The following NRG2 variants were observed in gnomAD, a reference collection of about 807,000 sequenced individuals.
The protein encoded by NRG2 is neuregulin 2.
Under a neutral mutation model 73.9 loss-of-function variants are expected in NRG2, and 27 were observed. The observed-to-expected ratio is 0.37, with a 90% confidence interval of 0.27 to 0.50. The LOEUF (loss-of-function observed/expected upper bound fraction) is 0.50, where lower values mean the gene tolerates loss of function less well. Ranked by LOEUF, NRG2 falls within the 20% of genes least tolerant of loss-of-function variation. The pLI is 0.96. For synonymous variants in NRG2, 532 were observed against 541.0 expected (o/e 0.98, Z 0.23); for missense variants, 1,126 against 1,210.1 (o/e 0.93, Z 1.03).
At chr5:139,945,332 T>C (rs1199767770) in intron 1 of NRG2, among the ~76,000 whole-genome samples, 3 of 152,154 alleles carry the variant, frequency 2.0e-5, no homozygotes, top group East Asian at 3.8e-4. Flanking sequence ...ACCAATGTCC[T>C]GAAGCATTTC....
At chr5:139,873,755 C>T (rs111827552) in intron 3 of NRG2, among the ~76,000 whole-genome samples, 11 of 152,374 alleles carry the variant, frequency 7.2e-5, no homozygotes, top group African/African-American at 2.6e-4. Context: ...CCCATTGTTT[C>T]ACCCCAGTCG....
At chr5:139,959,641 G>A (rs1442896685) in intron 1 of NRG2, among the ~76,000 whole-genome samples, 2 of 152,034 alleles carry the variant, frequency 1.3e-5, no homozygotes, top group Non-Finnish European at 2.9e-5. Flanking sequence ...CTCCCAAAGT[G>A]CTGGGATTAC....
In NRG2 at chr5:140,042,898, G is replaced by C. The variant is rs748906829; in HGVS notation, c.172C>G (p.Arg58Gly). The change falls in exon 1 of 10, where the codon CGT becomes GGT. Residue 58 changes from arginine to glycine, a missense_variant. By Grantham distance (125) the Arg-to-Gly change is moderately radical. Transcript: ENST00000361474. ...RSSSNNSSIS[R>G]PAAPPEPRPQ... ...CGCGGCTCTGGGGGCGCAGCGGGACGAGAGATGCTGCTGTTGTTGCTGCTG... is the reference window on the plus strand; with the variant it reads ...CGCGGCTCTGGGGGCGCAGCGGGACCAGAGATGCTGCTGTTGTTGCTGCTG... The C allele has an allele frequency of 1.9e-5, 29 of 1,526,852 alleles. No individual in the cohort carries two copies. The highest frequency in any genetic ancestry group is 3.9e-4 in the Middle Eastern group (2 of 5,098). The allele number at this position is 1,526,852 out of a possible 1,614,324, so 94.6% of individuals were successfully genotyped here.
At position 139,879,898 on chromosome 5, in the gene NRG2, A is replaced by T. The variant is rs1184751163; in HGVS notation, c.991+958T>A. 5.9e-5 allele frequency among the ~76,000 whole-genome samples: 9 copies of T among 152,194 alleles called. No homozygotes were observed. The East Asian group carries it at 1.7e-3, about 29-fold the overall frequency. On this transcript the variant is annotated intron_variant, in intron 3 of 9. Coordinates refer to ENST00000361474, the MANE Select transcript of NRG2 (RefSeq NM_004883.3). ...GGGTGTCCCTCACCAGGACAGGAAG[A>T]CAGGGTCTGAACTAGGTTTTTGTCT...
At chr5:139,878,545 C>T (rs1292548233) in intron 3 of NRG2, among the ~76,000 whole-genome samples, 2 of 152,200 alleles carry the variant, frequency 1.3e-5, no homozygotes. Flanking sequence ...CTTGAGCCAT[C>T]CTATGAGTTC....
At chr5:140,027,367 A>T (rs1398421733) in intron 1 of NRG2, among the ~76,000 whole-genome samples, 2 of 152,206 alleles carry the variant, frequency 1.3e-5, no homozygotes, top group Non-Finnish European at 2.9e-5. Context: ...GCATTATCCC[A>T]CTGCAGCTTC....
intron 6 of NRG2, among the ~76,000 whole-genome samples, chr5:139,854,612 C>G (rs1351047960): frequency 2.0e-5 from 3 of 152,226 alleles, no homozygotes; most frequent in Non-Finnish European, 4.4e-5. Context: ...TCCAGACTTT[C>G]TGGTCCTGGA....
In NRG2 at chr5:139,989,593, G is replaced by T. The variant is rs184372253; in HGVS notation, c.700+52777C>A. On this transcript the variant is annotated intron_variant, in intron 1 of 9. Coordinates refer to ENST00000361474, the MANE Select transcript of NRG2 (RefSeq NM_004883.3). ...TTAATTTAATAAAAAATATCCCGTG[G>T]CACGCAATAATTTTTGCACTTAGTG... Among the ~76,000 whole-genome samples the T allele has an allele frequency of 2.7e-3, 410 of 151,696 alleles. 3 individuals are homozygous for T. Among genetic ancestry groups the T allele is most frequent in the South Asian group, 0.013 (61 of 4,794 alleles).
At position 139,945,616 on chromosome 5, in the gene NRG2, A is replaced by G. The variant is rs1243108290; in HGVS notation, c.701-58105T>C. 2.0e-5 allele frequency among the ~76,000 whole-genome samples: 3 copies of G among 152,196 alleles called. No homozygotes were observed. In the East Asian group the frequency reaches 5.8e-4, roughly 29 times the overall value. On this transcript the variant is annotated intron_variant, in intron 1 of 9. Transcript: ENST00000361474. ...ACTATTTGGGGTCTTTTGTGGTTCC[A>G]TACAAATTTTAGGATTTTTTTTCCT...
chr5:139,866,749 T>G (rs1762494891), intron 4 of NRG2, among the ~76,000 whole-genome samples: 1 of 152,222 alleles, frequency 6.6e-6, no homozygotes, highest in Non-Finnish European at 1.5e-5. Flanking sequence ...TCAATCTCCC[T>G]GACCTTGTCT....
At chr5:139,879,252 C>T (rs1561649098) in intron 3 of NRG2, among the ~76,000 whole-genome samples, 3 of 150,172 alleles carry the variant, frequency 2.0e-5, no homozygotes, top group Non-Finnish European at 2.9e-5. Flanking sequence ...GGGATGGCCA[C>T]GCCCACAGAG....
intron 1 of NRG2, among the ~76,000 whole-genome samples, chr5:140,007,034 G>C (rs1018029461): frequency 6.6e-6 from 1 of 152,072 alleles, no homozygotes; most frequent in Non-Finnish European, 1.5e-5. Context: ...TGCCCCACAG[G>C]GACGATTTCC....
intron 1 of NRG2, among the ~76,000 whole-genome samples, chr5:139,967,222 C>A (rs1026206053): frequency 6.6e-6 from 1 of 152,088 alleles, no homozygotes. Context: ...CAACCTCATG[C>A]CTAGATTATA....
At position 139,955,789 on chromosome 5, in the gene NRG2, C is replaced by T. The variant is rs557356351; in HGVS notation, c.701-68278G>A. On this transcript the variant is annotated intron_variant, in intron 1 of 9. Coordinates refer to ENST00000361474, the MANE Select transcript of NRG2 (RefSeq NM_004883.3). ...TGAGTTGAGGGAGGAGGAGGAGAAA[C>T]GTGACAAAGTGGGAGGGCCATGAAG... 2.0e-4 allele frequency among the ~76,000 whole-genome samples: 31 copies of T among 152,162 alleles called. No homozygotes were observed. In the South Asian group the frequency reaches 3.5e-3, roughly 17 times the overall value.
At chr5:140,000,330 G>A (rs776785655) in intron 1 of NRG2, among the ~76,000 whole-genome samples, 12 of 152,236 alleles carry the variant, frequency 7.9e-5, no homozygotes, top group Non-Finnish European at 1.5e-4. Flanking sequence ...GCATTTAGCA[G>A]TACCACCCCT....
intron 1 of NRG2, among the ~76,000 whole-genome samples, chr5:139,918,304 A>T (rs2127213175): frequency 6.6e-6 from 1 of 152,312 alleles, no homozygotes; most frequent in South Asian, 2.1e-4. Context: ...AGATAAAAGG[A>T]TGGATGAGAA....
At chr5:139,977,973 C>T (rs1314167081) in intron 1 of NRG2, among the ~76,000 whole-genome samples, 2 of 152,150 alleles carry the variant, frequency 1.3e-5, no homozygotes, top group African/African-American at 4.8e-5. Context: ...AAATGTCAGA[C>T]CTAAAACCAT....
intron 1 of NRG2, among the ~76,000 whole-genome samples, chr5:139,927,538 C>T (rs78685153): frequency 7.5e-4 from 114 of 152,110 alleles, no homozygotes; most frequent in African/African-American, 2.7e-3. Flanking sequence ...CTGAGGTGGG[C>T]GGATCACCTG....
In NRG2 at chr5:139,848,693, C is replaced by G. The variant is rs200566705; in HGVS notation, c.1777G>C (p.Val593Leu). ...CGCGCGGGCGTGGTCAGGGCCGACA[C>G]GTACCTGCGGGGAGAGGCAGAGGCA... ...LRDSPHSERY[V>L]SALTTPARLS... The change falls in exon 10 of 10, where the codon GTG becomes CTG. Residue 593 changes from valine (V) to leucine (L), a missense_variant. Physicochemically the swap from Val to Leu is conservative, Grantham distance 32. Transcript: ENST00000361474. 3.0e-5 allele frequency: 46 copies of G among 1,518,696 alleles called. No individual in the cohort carries two copies. Among genetic ancestry groups the G allele is most frequent in the African/African-American group, 1.4e-5 (1 of 69,392 alleles). The allele number at this position is 1,518,696 out of a possible 1,614,324, so 94.1% of individuals were successfully genotyped here. A position where few individuals can be genotyped will look rare whatever the true frequency, so the allele number is the denominator to read the frequency against.
Sources: allele counts gnomAD v4.1 joint callset (sites outside exome capture counted in the v4.1 genomes callset), GRCh38; gene constraint gnomAD v4.1.1; transcripts MANE v1.5; gene names NCBI Gene and HGNC (gene_info 2026-07-23, HGNC 2026-07-21).